Variants in AHRR observed in about 807,000 individuals in gnomAD.
AHRR encodes the protein aryl hydrocarbon receptor repressor.
A neutral mutation model predicts 44.0 loss-of-function variants in AHRR; 28 were observed. That is an observed-to-expected ratio of 0.64 (90% CI 0.47 to 0.87). The LOEUF is 0.87. Ranked by LOEUF, AHRR falls within the 40% of genes least tolerant of loss-of-function variation. The pLI, the probability that AHRR is intolerant of heterozygous loss-of-function variation, is 0.00. For missense variants in AHRR, 990 were observed against 953.9 expected (o/e 1.04, Z -0.50); for synonymous variants, 434 against 407.0 (o/e 1.07, Z -0.80).
chr5:355,755 C>T (rs972344326), intron 3 of AHRR, among the ~76,000 whole-genome samples: 176 of 152,338 alleles, frequency 1.2e-3, no homozygotes, highest in African/African-American at 4.1e-3. Context: ...GGGCACCCTG[C>T]GTGCCTCCTG....
chr5:399,947 C>G (rs1399111402), intron 4 of AHRR, among the ~76,000 whole-genome samples: 1 of 152,224 alleles, frequency 6.6e-6, no homozygotes, highest in Non-Finnish European at 1.5e-5. Flanking sequence ...ATTCAGCTCC[C>G]CAAGCAAGAG....
intron 4 of AHRR, 150 bp downstream of exon 4, chr5:376,866 G>T: frequency 1.4e-6 from 1 of 717,336 alleles, no homozygotes; most frequent in Non-Finnish European, 2.3e-6. Flanking sequence ...AGGAAGCGTA[G>T]GCTCCAAAAT....
At chr5:352,718 CTGTAGGGGATGGT>C (rs1199411558) in intron 2 of AHRR, among the ~76,000 whole-genome samples, 1 of 148,280 alleles carries the variant, frequency 6.7e-6, no homozygotes. Flanking sequence ...AATGGGTCAG[CTGTAGGGGATGGT>C]CACTGTGAGG....
At chr5:329,610 G>A (rs1741843979) in intron 1 of AHRR, among the ~76,000 whole-genome samples, 1 of 152,162 alleles carries the variant, frequency 6.6e-6, no homozygotes, top group African/African-American at 2.4e-5. Flanking sequence ...TTAACAATGT[G>A]AATTCTTCTG....
At chr5:415,534 TG>T (rs1167801527) in intron 5 of AHRR, among the ~76,000 whole-genome samples, 9 of 140,868 alleles carry the variant, frequency 6.4e-5, no homozygotes, top group African/African-American at 2.7e-4. Flanking sequence ...GGGCCGAGTC[TG>T]CCTGGTCGGG....
Position 395,297 on chromosome 5 carries a change from C to T in AHRR, c.352-18047C>T, listed in dbSNP as rs1213954911. Reference sequence around the variant, plus strand: ...GCAGACAGAGGGGGCCTGGGAGACACGAGCCCCGGTGGTGGGATGCAGTTA... The same window carrying T: ...GCAGACAGAGGGGGCCTGGGAGACATGAGCCCCGGTGGTGGGATGCAGTTA... On this transcript the variant is annotated intron_variant, in intron 4 of 10. Transcript: ENST00000684583. This position sits in a 1 kb window ranked among gnomAD's most constrained non-coding sequence, Gnocchi z 5.3. 6.6e-6 allele frequency among the ~76,000 whole-genome samples: 1 copy of T among 152,170 alleles called. No homozygotes were observed. Among genetic ancestry groups the T allele is most frequent in the Non-Finnish European group, 1.5e-5 (1 of 68,032 alleles).
chr5:343,940 A>G lies in AHRR; in HGVS notation c.38A>G (p.Lys13Arg). 2.5e-6 allele frequency: 4 copies of G among 1,600,794 alleles called. No homozygotes were observed. Among genetic ancestry groups the G allele is most frequent in the Non-Finnish European group, 3.4e-6 (4 of 1,174,260 alleles). Reference protein sequence around the residue: ...PPGECTYAGRKRRRPLQKQRP... With the variant: ...PPGECTYAGRRRRRPLQKQRP... Reference sequence around the variant, plus strand: ...GGGGAGTGCACGTACGCGGGCCGGAAGCGGAGGAGGCCCCTGCAGAAACAG... The same window carrying G: ...GGGGAGTGCACGTACGCGGGCCGGAGGCGGAGGAGGCCCCTGCAGAAACAG... The change falls in exon 2 of 11, where the codon AAG (lysine) becomes AGG (arginine). Residue 13 changes from lysine (K) to arginine (R), a missense_variant. Physicochemically the swap from Lys to Arg is conservative, Grantham distance 26 (BLOSUM62 2). Coordinates refer to ENST00000684583, the MANE Select transcript of AHRR (RefSeq NM_001377236.1).
intron 3 of AHRR, chr5:367,711 CT>C (rs1377408694): frequency 2.5e-5 from 16 of 628,306 alleles, no homozygotes; most frequent in Non-Finnish European, 4.3e-5. Context: ...CTCTGCCCCT[CT>C]GCCCTGACAC....
intron 5 of AHRR, chr5:421,175 C>G (rs999317653): frequency 1.7e-6 from 1 of 594,750 alleles, no homozygotes; most frequent in African/African-American, 2.0e-5. Context: ...CTCTGGCGCC[C>G]GGCTGGTGCC....
At position 405,811 on chromosome 5, in the gene AHRR, C is replaced by T. The variant is rs1735231387; in HGVS notation, c.352-7533C>T. On this transcript the variant is annotated intron_variant, in intron 4 of 10. Coordinates refer to ENST00000684583, the MANE Select transcript of AHRR (RefSeq NM_001377236.1). The surrounding 1 kb of genome is among the most constrained non-coding windows in gnomAD (Gnocchi z 4.5). ...TTTTATATTTTCACGGCACGTGTGA[C>T]TTTTCTTTTTGGATACTTTACTGAT... 1.3e-5 allele frequency among the ~76,000 whole-genome samples: 2 copies of T among 152,242 alleles called. No homozygotes were observed. The highest frequency in any genetic ancestry group is 2.9e-5 in the Non-Finnish European group (2 of 68,040).
intron 4 of AHRR, among the ~76,000 whole-genome samples, chr5:400,039 C>T (rs563264981): frequency 1.3e-5 from 2 of 152,328 alleles, no homozygotes; most frequent in African/African-American, 4.8e-5. Context: ...GCTGCCCCGA[C>T]GCCCGCCCGG....
chr5:342,612 G>A lies in AHRR; in HGVS notation c.-10-1281G>A, dbSNP rs555316523. Among the ~76,000 whole-genome samples, 2 of 152,192 alleles carry A rather than the reference G, an allele frequency of 1.3e-5. No homozygotes were observed. Among genetic ancestry groups the A allele is most frequent in the Non-Finnish European group, 2.9e-5 (2 of 68,040 alleles). ...ACTTTCCACACAAGGTGGATATTGC[G>A]TGAGTCTGCCTCCTCTTCCAGGCTA... On this transcript the variant is annotated intron_variant, in intron 1 of 10. Transcript: ENST00000684583. The surrounding 1 kb of genome is among the most constrained non-coding windows in gnomAD (Gnocchi z 4.3).
intron 1 of AHRR, among the ~76,000 whole-genome samples, chr5:339,253 T>A (rs1742246294): frequency 6.6e-6 from 1 of 152,206 alleles, no homozygotes; most frequent in Non-Finnish European, 1.5e-5. Flanking sequence ...TAGCTGAGAC[T>A]ACAGGTGTGT....
intron 5 of AHRR, among the ~76,000 whole-genome samples, chr5:416,160 T>C (rs1206859359): frequency 3.3e-5 from 5 of 152,202 alleles, no homozygotes; most frequent in African/African-American, 9.6e-5. Flanking sequence ...CAGGGGGACA[T>C]GGCTGTGTGC....
At chr5:433,795 G>A (rs1736851957) in intron 10 of AHRR, 58 bp from the exon 11 acceptor site, 7 of 1,435,746 alleles carry the variant, frequency 4.9e-6, no homozygotes, top group Non-Finnish European at 6.4e-6. Flanking sequence ...CCCCACCCAG[G>A]GCAGCCAGAC....
At chr5:373,697 G>A (rs1743660687) in intron 3 of AHRR, among the ~76,000 whole-genome samples, 1 of 151,586 alleles carries the variant, frequency 6.6e-6, no homozygotes, top group Admixed American at 6.6e-5. Context: ...GGACCCCCAG[G>A]CTCAGGGAGG....
intron 5 of AHRR, 178 bp from the exon 6 acceptor site, chr5:422,551 C>T (rs1736176821): frequency 2.5e-6 from 2 of 787,328 alleles, no homozygotes; most frequent in African/African-American, 1.7e-5. Context: ...ACTTAGACAT[C>T]TTCTCAGGAG....
At chr5:429,325 C>T (rs944917358) in intron 8 of AHRR, among the ~76,000 whole-genome samples, 8 of 131,196 alleles carry the variant, frequency 6.1e-5, no homozygotes, top group Non-Finnish European at 1.0e-4. Context: ...GAGGTAGGGC[C>T]GGGGCCGCCA....
At chr5:332,004 A>G (rs1395736025) in intron 1 of AHRR, among the ~76,000 whole-genome samples, 2 of 152,132 alleles carry the variant, frequency 1.3e-5, no homozygotes, top group Admixed American at 6.6e-5. Context: ...TTTTTAAAGT[A>G]TGTCGTGTTT....
Sources: gnomAD v4.1 joint callset for allele counts (sites outside exome capture counted in the v4.1 genomes callset) on GRCh38, gnomAD v4.1.1 for gene constraint, Gnocchi (gnomAD v3.1) non-coding constraint, MANE v1.5 for transcripts, NCBI Gene and HGNC (gene_info 2026-07-23, HGNC 2026-07-21) for gene names.